Variants in DUSP13B observed in about 807,000 individuals in gnomAD.
DUSP13B encodes the protein dual specificity phosphatase 13B.
chr10:75,097,690 T>G, the DUSP13B span: 14 of 1,537,488 alleles, frequency 9.1e-6, no homozygotes, highest in Admixed American at 1.7e-4. Context: ...CCATCCCCAC[T>G]CCTAACGTGG....
the DUSP13B span, chr10:75,095,731 C>G: frequency 6.2e-7 from 1 of 1,614,224 alleles, no homozygotes; most frequent in South Asian, 1.1e-5. Flanking sequence ...AACTTGCCTG[C>G]AGCGGCATTC....
chr10:75,097,931 G>A, the DUSP13B span: 5 of 1,502,298 alleles, frequency 3.3e-6, no homozygotes, highest in South Asian at 1.3e-5. Flanking sequence ...GGCTCCCAGA[G>A]GGTGGATCCA....
chr10:75,100,984 T>C, the DUSP13B span, among the ~76,000 whole-genome samples: 1 of 152,272 alleles, frequency 6.6e-6, no homozygotes, highest in East Asian at 1.9e-4. Context: ...CCCTGGACTT[T>C]CTTCCTGCCC....
chr10:75,094,679 G>T, the DUSP13B span: 1 of 1,613,590 alleles, frequency 6.2e-7, no homozygotes, highest in South Asian at 1.1e-5. Context: ...TGCCAGATCA[G>T]AACCGCCCCG....
the DUSP13B span, chr10:75,108,019 T>C: frequency 3.1e-6 from 5 of 1,613,156 alleles, no homozygotes; most frequent in Non-Finnish European, 4.2e-6. Context: ...GCACGGTGGA[T>C]GAAGTCAGCC....
the DUSP13B span, chr10:75,094,965 A>G: frequency 8.4e-7 from 1 of 1,189,938 alleles, no homozygotes; most frequent in Non-Finnish European, 1.2e-6. Context: ...GCCATCCTCT[A>G]CAGTATCCTG....
chr10:75,106,406 T>G, the DUSP13B span, among the ~76,000 whole-genome samples: 1 of 152,036 alleles, frequency 6.6e-6, no homozygotes, highest in Non-Finnish European at 1.5e-5. Flanking sequence ...ACCTGCAAAT[T>G]GTTTCCCCTG....
chr10:75,097,580 T>C, the DUSP13B span: 17 of 804,918 alleles, frequency 2.1e-5, no homozygotes, highest in South Asian at 2.5e-4. Flanking sequence ...GAAAGAAACA[T>C]AGGGAAAGAG....
At chr10:75,103,429 G>A in the DUSP13B span, among the ~76,000 whole-genome samples, 40 of 152,302 alleles carry the variant, frequency 2.6e-4, no homozygotes, top group African/African-American at 9.1e-4. Flanking sequence ...CCCACCCTCT[G>A]CCAAGCTCCT....
the DUSP13B span, chr10:75,099,106 A>C: frequency 8.1e-7 from 1 of 1,232,330 alleles, no homozygotes; most frequent in Non-Finnish European, 1.0e-6. Context: ...CTGCTGGCTG[A>C]AGGAGTCAGG....
chr10:75,097,506 G>A, the DUSP13B span, among the ~76,000 whole-genome samples: 503 of 152,262 alleles, frequency 3.3e-3, no homozygotes, highest in African/African-American at 9.8e-3. Flanking sequence ...CACCGCACCC[G>A]GCCCTGTGCA....
the DUSP13B span, among the ~76,000 whole-genome samples, chr10:75,100,986 T>C: frequency 6.6e-6 from 1 of 152,272 alleles, no homozygotes; most frequent in South Asian, 2.1e-4. Context: ...CTGGACTTTC[T>C]TCCTGCCCAT....
chr10:75,098,278 A>C, the DUSP13B span, among the ~76,000 whole-genome samples: 1 of 152,158 alleles, frequency 6.6e-6, no homozygotes, highest in Non-Finnish European at 1.5e-5. Context: ...GCACCCAGGA[A>C]GCCCCCACCA....
At chr10:75,094,819 A>G in the DUSP13B span, 1 of 1,614,228 alleles carries the variant, frequency 6.2e-7, no homozygotes, top group Non-Finnish European at 8.5e-7. Context: ...ATCATGAGGA[A>G]GGCCAGGACA....
chr10:75,102,004 T>G, the DUSP13B span: 17 of 1,311,930 alleles, frequency 1.3e-5, no homozygotes, highest in Admixed American at 1.6e-4. Flanking sequence ...TGCTGTCTAC[T>G]CCCCTCTTCC....
At chr10:75,103,645 A>T in the DUSP13B span, among the ~76,000 whole-genome samples, 5 of 152,208 alleles carry the variant, frequency 3.3e-5, no homozygotes, top group Non-Finnish European at 5.9e-5. Flanking sequence ...TGGTGGGAAC[A>T]GGGCACACCC....
At chr10:75,094,969 T>G in the DUSP13B span, 1 of 1,106,926 alleles carries the variant, frequency 9.0e-7, no homozygotes, top group Non-Finnish European at 1.3e-6. Flanking sequence ...TCCTCTACAG[T>G]ATCCTGGAAT....
chr10:75,103,971 C>T, the DUSP13B span: 35 of 1,335,172 alleles, frequency 2.6e-5, no homozygotes, highest in Middle Eastern at 2.1e-4. Flanking sequence ...GCTCTAGGGC[C>T]GACCCCACGC....
At chr10:75,101,920 G>A in the DUSP13B span, 18 of 1,367,700 alleles carry the variant, frequency 1.3e-5, no homozygotes, top group Non-Finnish European at 1.3e-5. Context: ...AGTTCGTGCT[G>A]CTGGCTTTCA....
Sources: allele counts gnomAD v4.1 joint callset (sites outside exome capture counted in the v4.1 genomes callset), GRCh38; gene constraint gnomAD v4.1.1; transcripts MANE v1.5; gene names NCBI Gene and HGNC (gene_info 2026-07-23, HGNC 2026-07-21).